TBL1Y: variants seen among roughly 807,000 people sequenced by gnomAD.
TBL1Y encodes the protein F-box-like/WD repeat-containing protein TBL1Y.
Under a neutral mutation model 12.0 loss-of-function variants are expected in TBL1Y, and 15 were observed. The ratio of observed to expected loss-of-function variants is 1.25; its 90% CI spans 0.83 to 1.92. TBL1Y has a LOEUF of 1.92. TBL1Y is among the 40% of genes most tolerant of loss of function. TBL1Y has a pLI of 0.00. For synonymous variants in TBL1Y, 53 were observed against 42.6 expected (o/e 1.24, Z -0.95); for missense variants, 148 against 116.7 (o/e 1.27, Z -1.24).
At chrY:7,064,603 T>C in intron 8 of TBL1Y, among the ~76,000 whole-genome samples, 1 of 33,796 alleles carries the variant, frequency 3.0e-5, no homozygotes, top group African/African-American at 1.2e-4. Context: ...CAGAACATCA[T>C]TCCCTGTTAG....
In TBL1Y at chrY:7,021,259, C is replaced by CT. The variant is rs778497165; in HGVS notation, c.-139-181dup. ...GCCTGACTGGTCATTTTAATTTCTC[C>CT]TTTTTTTTTAGTTTGCAAACAAAAC... On this transcript the variant is annotated intron_variant, in intron 4 of 18. Transcript: ENST00000383032. Among the ~76,000 whole-genome samples, 11 of 31,822 alleles carry CT rather than the reference C, an allele frequency of 3.5e-4. No homozygotes were observed. In the East Asian group the frequency reaches 5.6e-3, roughly 16 times the overall value. 85.4% of individuals were successfully genotyped at this position (31,822 alleles called of 37,273 possible).
At position 7,064,157 on chromosome Y, in the gene TBL1Y, C is replaced by A. The variant is rs768039732; in HGVS notation, c.457+8C>A. 1 of 396,013 alleles carries A rather than the reference C, an allele frequency of 2.5e-6. No individual in the cohort carries two copies. Among genetic ancestry groups the A allele is most frequent in the East Asian group, 9.3e-5 (1 of 10,730 alleles). On this transcript the variant is annotated splice_region_variant and intron_variant, in intron 8 of 18. Transcript: ENST00000383032. ...ATGGAGCACATGAAATCAGTGAGTG[C>A]GCAGGCTCTGGAAGTTTGGTGGGCC... is the stretch of plus-strand genomic sequence containing the variant.
chrY:7,042,411 G>C lies in TBL1Y; in HGVS notation c.59-569G>C, dbSNP rs1057165695. 3.8e-4 allele frequency among the ~76,000 whole-genome samples: 4 copies of C among 10,421 alleles called. No homozygotes were observed. The East Asian group carries it at 9.5e-3, about 25-fold the overall frequency. 28.0% of individuals were successfully genotyped at this position (10,421 alleles called of 37,273 possible). The stretch of plus-strand genomic sequence containing the variant: ...CTTTATTCCTTTTTTTTTTTTTTTT[G>C]AGATGAAATCTCACTCTGTCACCCA... On this transcript the variant is annotated intron_variant, in intron 6 of 18. Transcript: ENST00000383032.
At chrY:7,062,398 G>T in intron 7 of TBL1Y, among the ~76,000 whole-genome samples, 4 of 33,830 alleles carry the variant, frequency 1.2e-4, no homozygotes, top group African/African-American at 4.6e-4. Flanking sequence ...CCAGAAAATT[G>T]AGGATTTGAG....
intron 3 of TBL1Y, 105 bp from the exon 4 acceptor site, chrY:6,995,699 C>T (rs2012406037): frequency 3.2e-5 from 1 of 31,692 alleles, no homozygotes; most frequent in Non-Finnish European, 7.6e-5. Context: ...GATTCTCCTG[C>T]CTCAGCCTCC....
intron 8 of TBL1Y, among the ~76,000 whole-genome samples, chrY:7,064,867 G>C (rs2012965642): frequency 3.0e-5 from 1 of 33,506 alleles, no homozygotes; most frequent in Admixed American, 2.7e-4. Context: ...TTTAATGAAA[G>C]CTCTCCTAGA....
chrY:7,067,966 T>C (rs2012998028), intron 8 of TBL1Y, among the ~76,000 whole-genome samples: 1 of 33,070 alleles, frequency 3.0e-5, no homozygotes, highest in African/African-American at 1.2e-4. Context: ...TCAGACCTAG[T>C]GCACCTTCTA....
chrY:7,079,563 G>A (rs2013080684), intron 13 of TBL1Y, among the ~76,000 whole-genome samples: 3 of 33,910 alleles, frequency 8.8e-5, no homozygotes, highest in East Asian at 7.8e-4. Context: ...TCAGCTTTAC[G>A]TTGTTCTGAA....
chrY:6,978,730 T>A (rs753817662), intron 3 of TBL1Y, among the ~76,000 whole-genome samples: 2 of 33,332 alleles, frequency 6.0e-5, no homozygotes, highest in East Asian at 1.6e-3. Flanking sequence ...TACATGTGAT[T>A]TTTTTTGTCT....
chrY:7,086,509 C>T, intron 16 of TBL1Y, 92 bp downstream of exon 16: 6 of 270,168 alleles, frequency 2.2e-5, no homozygotes. Context: ...TGTGTTGAAG[C>T]CCTTCAGAGG....
At chrY:7,025,649 A>C in intron 6 of TBL1Y, among the ~76,000 whole-genome samples, 1 of 33,409 alleles carries the variant, frequency 3.0e-5, no homozygotes, top group Non-Finnish European at 7.4e-5. Flanking sequence ...TGGTAAAGAC[A>C]GTCAGATTGG....
intron 2 of TBL1Y, among the ~76,000 whole-genome samples, chrY:6,971,711 C>T: frequency 3.0e-5 from 1 of 33,235 alleles, no homozygotes; most frequent in Non-Finnish European, 7.4e-5. Flanking sequence ...CATGTTCAAG[C>T]GATCCTGCTG....
At chrY:6,980,228 A>G in intron 3 of TBL1Y, among the ~76,000 whole-genome samples, 5 of 33,972 alleles carry the variant, frequency 1.5e-4, no homozygotes. Context: ...GGGTATACAG[A>G]AGATTTGCAG....
chrY:6,982,228 G>A, intron 3 of TBL1Y, among the ~76,000 whole-genome samples: 1 of 32,952 alleles, frequency 3.0e-5, no homozygotes, highest in Non-Finnish European at 7.4e-5. Context: ...GCCAGAGGGG[G>A]AAGATTGCTT....
intron 3 of TBL1Y, among the ~76,000 whole-genome samples, chrY:6,982,467 A>G (rs2012293193): frequency 3.1e-5 from 1 of 32,586 alleles, no homozygotes; most frequent in Non-Finnish European, 7.5e-5. Context: ...CAAACAAACA[A>G]ACAAACCATG....
chrY:6,916,033 C>T (rs1397408118), intron 2 of TBL1Y, among the ~76,000 whole-genome samples: 1 of 33,704 alleles, frequency 3.0e-5, no homozygotes, highest in African/African-American at 1.2e-4. Flanking sequence ...CAGTTCCTGC[C>T]GGGAAGTACC....
intron 2 of TBL1Y, among the ~76,000 whole-genome samples, chrY:6,959,960 T>G: frequency 2.9e-5 from 1 of 34,115 alleles, no homozygotes; most frequent in African/African-American, 1.1e-4. Context: ...CTTTTGCCAA[T>G]TATTCACATA....
chrY:6,953,953 C>T (rs2012049914), intron 2 of TBL1Y, among the ~76,000 whole-genome samples: 2 of 33,860 alleles, frequency 5.9e-5, no homozygotes, highest in East Asian at 8.0e-4. Context: ...TTCCAGACCC[C>T]GTTTGCCTGG....
intron 7 of TBL1Y, among the ~76,000 whole-genome samples, chrY:7,046,203 T>C (rs2012757042): frequency 3.9e-4 from 13 of 33,240 alleles, no homozygotes; most frequent in Non-Finnish European, 6.7e-4. Context: ...TTAAAGCCTT[T>C]GAGAGAACAC....
Sources: allele counts gnomAD v4.1 joint callset (sites outside exome capture counted in the v4.1 genomes callset), GRCh38; gene constraint gnomAD v4.1.1; transcripts MANE v1.5; gene names NCBI Gene and HGNC (gene_info 2026-07-23, HGNC 2026-07-21).